ICA1: variants seen among roughly 807,000 people sequenced by gnomAD.
ICA1 encodes the protein 69 kDa islet cell autoantigen.
Under a neutral mutation model 71.0 loss-of-function variants are expected in ICA1, and 40 were observed. The observed-to-expected ratio is 0.56, with a 90% confidence interval of 0.44 to 0.73. The LOEUF is 0.73. Among genes scored for constraint, ICA1 ranks in the 30% least tolerant of loss-of-function variants. The probability of loss-of-function intolerance (pLI) is 0.00; values close to 1 mark genes in which losing one functional copy is unlikely to be tolerated. For synonymous variants in ICA1, 207 were observed against 209.5 expected (o/e 0.99, Z 0.10); for missense variants, 578 against 576.5 (o/e 1.00, Z -0.03).
chr7:8,140,050 A>C (rs929736342), intron 10 of ICA1, among the ~76,000 whole-genome samples: 1 of 152,232 alleles, frequency 6.6e-6, no homozygotes, highest in Non-Finnish European at 1.5e-5. Flanking sequence ...ACAAGGAACG[A>C]GAGAAAATTT....
chr7:8,187,481 T>C (rs554502339), intron 6 of ICA1, among the ~76,000 whole-genome samples: 37 of 152,250 alleles, frequency 2.4e-4, no homozygotes, highest in African/African-American at 8.9e-4. Context: ...GAGTGGTGAG[T>C]GAATGTGAAG....
intron 6 of ICA1, among the ~76,000 whole-genome samples, chr7:8,168,807 C>A (rs531537015): frequency 6.6e-6 from 1 of 152,032 alleles, no homozygotes; most frequent in South Asian, 2.1e-4. Context: ...TTATTGTGCA[C>A]CTTGGAGATG....
chr7:8,178,484 G>A (rs1224048544), intron 6 of ICA1, among the ~76,000 whole-genome samples: 1 of 151,904 alleles, frequency 6.6e-6, no homozygotes, highest in South Asian at 2.1e-4. Flanking sequence ...TTTTTAACCT[G>A]CTGCACAGAA....
Position 8,127,767 on chromosome 7 carries a change from T to C in ICA1, c.1330+106A>G, listed in dbSNP as rs1021075701. The C allele has an allele frequency of 4.8e-6, 6 of 1,255,722 alleles. No individual in the cohort carries two copies. In the African/African-American group the frequency reaches 7.5e-5, roughly 16 times the overall value. The allele number at this position is 1,255,722 out of a possible 1,614,324, so 77.8% of individuals were successfully genotyped here. ...TCTCCAGTTAAAAAGTCAATAAAAATAGAGAAAACATTAAAAAAGACAAAG... is the reference window on the plus strand; with the variant it reads ...TCTCCAGTTAAAAAGTCAATAAAAACAGAGAAAACATTAAAAAAGACAAAG... On this transcript the variant is annotated intron_variant, in intron 13 of 13. Coordinates refer to ENST00000402384, the MANE Select transcript of ICA1 (RefSeq NM_001136020.3).
chr7:8,142,033 C>T (rs868525032), intron 9 of ICA1: 56 of 1,459,026 alleles, frequency 3.8e-5, no homozygotes, highest in Non-Finnish European at 4.5e-5. Context: ...GCTTTCATCT[C>T]GAGGCAAATA....
Position 8,141,858 on chromosome 7 carries a change from T to C in ICA1, c.903-41A>G, listed in dbSNP as rs1795340940. ...AGGTTTAGTCATCAACTTCTACCAA[T>C]GTTATATTTATGATACAGCCAGACT... On this transcript the variant is annotated intron_variant, in intron 9 of 13. Transcript: ENST00000402384. 3 of 1,440,866 alleles carry C rather than the reference T, an allele frequency of 2.1e-6. No individual in the cohort carries two copies. In the South Asian group the frequency reaches 3.6e-5, roughly 17 times the overall value. 89.3% of individuals were successfully genotyped at this position (1,440,866 alleles called of 1,614,324 possible). A position where few individuals can be genotyped will look rare whatever the true frequency, so the allele number is the denominator to read the frequency against.
intron 7 of ICA1, 149 bp downstream of exon 7, chr7:8,158,378 C>G (rs1296383129): frequency 1.4e-5 from 13 of 912,822 alleles, no homozygotes; most frequent in African/African-American, 3.3e-5. Context: ...ACGTAGGGCC[C>G]TAGAAGGCAG....
At chr7:8,124,991 G>A (rs1393957525) in intron 13 of ICA1, among the ~76,000 whole-genome samples, 1 of 152,046 alleles carries the variant, frequency 6.6e-6, no homozygotes, top group African/African-American at 2.4e-5. Context: ...GTTTCACCAT[G>A]TTGGCCAGGC....
intron 1 of ICA1, among the ~76,000 whole-genome samples, chr7:8,261,212 A>C (rs3823815): frequency 6.6e-6 from 1 of 151,962 alleles, no homozygotes; most frequent in Non-Finnish European, 1.5e-5. Flanking sequence ...CTCCCCAACC[A>C]GGCAGTTAAT....
Position 8,114,075 on chromosome 7 carries a change from G to A in ICA1, c.1331-31C>T, listed in dbSNP as rs374438830. On this transcript the variant is annotated intron_variant, in intron 13 of 13. Transcript: ENST00000402384. The stretch of plus-strand genomic sequence containing the variant: ...GAGAGAAGAGGAAACATGAGCAAAC[G>A]CACCTTCCAAATGTCCACCTCTGCC... 73 of 1,613,592 alleles carry A rather than the reference G, an allele frequency of 4.5e-5. No homozygotes were observed. In the African/African-American group the frequency reaches 6.8e-4, roughly 15 times the overall value.
intron 13 of ICA1, among the ~76,000 whole-genome samples, chr7:8,124,152 G>A (rs375535789): frequency 1.3e-3 from 156 of 121,848 alleles, no homozygotes; most frequent in African/African-American, 4.8e-3. Context: ...ACGGAGTCTC[G>A]CTCTGTCGCC....
chr7:8,162,494 G>C (rs1001948073), intron 6 of ICA1, among the ~76,000 whole-genome samples: 1 of 152,162 alleles, frequency 6.6e-6, no homozygotes, highest in Non-Finnish European at 1.5e-5. Context: ...TGAAGCCTGA[G>C]GTTAAAACAC....
intron 7 of ICA1, among the ~76,000 whole-genome samples, chr7:8,158,166 G>C (rs1802398663): frequency 6.6e-6 from 1 of 152,174 alleles, no homozygotes; most frequent in South Asian, 2.1e-4. Context: ...CCACGAGATG[G>C]ACAGACACAA....
intron 13 of ICA1, chr7:8,116,577 G>A (rs1218477628): frequency 6.6e-6 from 1 of 152,156 alleles, no homozygotes; most frequent in Non-Finnish European, 1.5e-5. Flanking sequence ...TTGCTTTTTA[G>A]CTTTATTTAT....
At chr7:8,200,668 A>G (rs1210366889) in intron 6 of ICA1, among the ~76,000 whole-genome samples, 1 of 152,224 alleles carries the variant, frequency 6.6e-6, no homozygotes, top group Non-Finnish European at 1.5e-5. Flanking sequence ...AACTGGATTT[A>G]CTAGACTGTA....
chr7:8,187,344 T>A (rs189886929), intron 6 of ICA1, among the ~76,000 whole-genome samples: 106 of 152,338 alleles, frequency 7.0e-4, no homozygotes, highest in Non-Finnish European at 9.8e-4. Context: ...TGTTTGTGTA[T>A]CTGAACATAT....
intron 6 of ICA1, among the ~76,000 whole-genome samples, chr7:8,181,082 G>T (rs982185718): frequency 1.3e-4 from 20 of 152,006 alleles, no homozygotes; most frequent in Non-Finnish European, 1.9e-4. Context: ...ATTTACCTAT[G>T]TTTTGTTTTA....
intron 8 of ICA1, among the ~76,000 whole-genome samples, chr7:8,148,750 A>G (rs1291906631): frequency 6.6e-6 from 1 of 152,218 alleles, no homozygotes; most frequent in Non-Finnish European, 1.5e-5. Context: ...ACTCTTTGAT[A>G]TAGCAAGGAA....
intron 6 of ICA1, among the ~76,000 whole-genome samples, chr7:8,200,194 G>A (rs753025657): frequency 1.5e-4 from 22 of 151,578 alleles, no homozygotes; most frequent in Non-Finnish European, 2.5e-4. Context: ...TACCTACTAT[G>A]TACCCACAAA....
Sources: gnomAD v4.1 joint callset for allele counts (sites outside exome capture counted in the v4.1 genomes callset) on GRCh38, gnomAD v4.1.1 for gene constraint, MANE v1.5 for transcripts, NCBI Gene and HGNC (gene_info 2026-07-23, HGNC 2026-07-21) for gene names.